MYL9: variants seen among roughly 807,000 people sequenced by gnomAD.
The protein encoded by MYL9 is myosin regulatory light polypeptide 9.
In MYL9, 7 loss-of-function variants were observed where a neutral mutation model predicts 12.8. The ratio of observed to expected loss-of-function variants is 0.55; its 90% CI spans 0.31 to 1.03. The LOEUF (loss-of-function observed/expected upper bound fraction) is 1.03. Among genes scored for constraint, MYL9 ranks in the 50% least tolerant of loss-of-function variants. The pLI, the probability that MYL9 is intolerant of heterozygous loss-of-function variation, is 0.05. For synonymous variants in MYL9, 81 were observed against 87.8 expected, an observed-to-expected ratio of 0.92 and a Z score of 0.43; for missense variants, 190 against 242.7, an observed-to-expected ratio of 0.78 and a Z score of 1.44.
intron 1 of MYL9, 132 bp from the exon 2 acceptor site, chr20:36,544,727 G>C: frequency 1.5e-6 from 1 of 658,834 alleles, no homozygotes; most frequent in South Asian, 2.0e-5. Context: ...GTGAAGAACT[G>C]GGTGGTGGGA....
Position 36,549,558 on chromosome 20 carries a change from C to T in MYL9, c.*309C>T, listed in dbSNP as rs1404840595. The T allele has an allele frequency of 1.1e-5, 3 of 271,310 alleles. No individual in the cohort carries two copies. Among genetic ancestry groups the T allele is most frequent in the African/African-American group, 2.2e-5 (1 of 45,818 alleles). 16.8% of individuals were successfully genotyped at this position (271,310 alleles called of 1,614,324 possible). A position where few individuals can be genotyped will look rare whatever the true frequency, so the allele number is the denominator to read the frequency against. ...AAGGCCCCATTCCGGGGCTGTTCCC[C>T]GAGGAGGAAGGGAAGGGGCTCTGTG... On this transcript the variant is annotated 3_prime_UTR_variant, in exon 4 of 4. Transcript: ENST00000279022.
Position 36,550,548 on chromosome 20 carries a change from C to G in MYL9, c.*1299C>G, listed in dbSNP as rs570388024. On this transcript the variant is annotated 3_prime_UTR_variant, in exon 4 of 4. Transcript: ENST00000279022. ...ACCCCACCTGACCCCAGCGAGTGGACCCAGCTTGGTCCTGAGGCCTTCTCC... is the reference window on the plus strand; with the variant it reads ...ACCCCACCTGACCCCAGCGAGTGGAGCCAGCTTGGTCCTGAGGCCTTCTCC... The G allele has an allele frequency of 1.6e-4, 24 of 153,068 alleles. No individual in the cohort carries two copies. Among genetic ancestry groups the G allele is most frequent in the Admixed American group, 4.6e-4 (7 of 15,298 alleles). 9.5% of individuals were successfully genotyped at this position (153,068 alleles called of 1,614,324 possible).
intron 1 of MYL9, among the ~76,000 whole-genome samples, chr20:36,542,762 T>C (rs1192598375): frequency 6.6e-6 from 1 of 152,188 alleles, no homozygotes; most frequent in African/African-American, 2.4e-5. Flanking sequence ...AGCTGCACCA[T>C]GGGGGCACCC....
intron 1 of MYL9, among the ~76,000 whole-genome samples, chr20:36,544,082 G>A (rs565766892): frequency 1.1e-4 from 17 of 152,250 alleles, no homozygotes; most frequent in African/African-American, 4.1e-4. Context: ...AGAAGAGGCC[G>A]GCTGGAGGCT....
intron 2 of MYL9, among the ~76,000 whole-genome samples, chr20:36,546,270 G>A (rs1034319958): frequency 3.3e-5 from 5 of 152,138 alleles, no homozygotes; most frequent in Admixed American, 6.5e-5. Context: ...CCCAGTTCCC[G>A]CGTACCCCTC....
chr20:36,549,338 G>A lies in MYL9; in HGVS notation c.*89G>A, dbSNP rs542693286. On this transcript the variant is annotated 3_prime_UTR_variant, in exon 4 of 4. Transcript: ENST00000279022. ...TACCAGCTCCCTGCCCATGACCCTC[G>A]CTCAGGGATCCCCCTTTGAGGGGTT... The A allele has an allele frequency of 5.5e-4, 636 of 1,155,406 alleles. No individual in the cohort carries two copies. Among genetic ancestry groups the A allele is most frequent in the African/African-American group, 9.4e-4 (53 of 56,298 alleles). 71.6% of individuals were successfully genotyped at this position (1,155,406 alleles called of 1,614,324 possible).
At chr20:36,548,761 C>T (rs115804563) in intron 3 of MYL9, among the ~76,000 whole-genome samples, 12 of 152,248 alleles carry the variant, frequency 7.9e-5, no homozygotes, top group African/African-American at 2.6e-4. Context: ...CCAGAGCTCA[C>T]GCTTAAAACA....
intron 2 of MYL9, among the ~76,000 whole-genome samples, chr20:36,545,301 T>C (rs937007314): frequency 6.6e-6 from 1 of 151,638 alleles, no homozygotes; most frequent in Non-Finnish European, 1.5e-5. Flanking sequence ...ATCGAGACCA[T>C]CCTGGCTAAC....
intron 1 of MYL9, among the ~76,000 whole-genome samples, chr20:36,544,329 G>A (rs903946153): frequency 6.6e-6 from 1 of 152,134 alleles, no homozygotes; most frequent in Non-Finnish European, 1.5e-5. Context: ...AGTGAGGAAC[G>A]GCAGGAATGC....
intron 2 of MYL9, 62 bp from the exon 3 acceptor site, chr20:36,547,970 A>G (rs529378485): frequency 1.4e-5 from 21 of 1,514,734 alleles, no homozygotes; most frequent in Non-Finnish European, 1.9e-5. Flanking sequence ...CGGGGGTGCA[A>G]GTTGTCCCAG....
At chr20:36,541,832 G>A (rs573188056) in intron 1 of MYL9, among the ~76,000 whole-genome samples, 1 of 152,200 alleles carries the variant, frequency 6.6e-6, no homozygotes, top group Non-Finnish European at 1.5e-5. Context: ...GAAGGCCATC[G>A]TCCAGGCCCT....
At chr20:36,548,974 G>T in intron 3 of MYL9, 103 bp from the exon 4 acceptor site, 2 of 1,179,122 alleles carry the variant, frequency 1.7e-6, no homozygotes, top group Non-Finnish European at 2.4e-6. Flanking sequence ...TATCTTCCCA[G>T]CCCCTCTAGG....
chr20:36,543,127 C>T (rs571787699), intron 1 of MYL9, among the ~76,000 whole-genome samples: 24 of 152,312 alleles, frequency 1.6e-4, no homozygotes, highest in African/African-American at 5.8e-4. Flanking sequence ...GGGCCGGCAT[C>T]TGGGGACAAT....
chr20:36,545,719 A>T (rs1053570112), intron 2 of MYL9, among the ~76,000 whole-genome samples: 1 of 151,992 alleles, frequency 6.6e-6, no homozygotes, highest in Non-Finnish European at 1.5e-5. Flanking sequence ...TCACGAGGTC[A>T]GAAGATCGAG....
chr20:36,544,791 C>A (rs566325942), intron 1 of MYL9, 68 bp from the exon 2 acceptor site: 1 of 1,391,394 alleles, frequency 7.2e-7, no homozygotes, highest in Non-Finnish European at 9.8e-7. Flanking sequence ...AAAAGCCAGT[C>A]TGGGGGAGGC....
Position 36,549,102 on chromosome 20 carries a change from G to A in MYL9, c.372G>A (p.Arg124=). ...ASGFIHEDHL[R]ELLTTMGDRF... ...GTTTCATCCATGAGGACCACCTCCG[G>A]GAGCTGCTCACCACCATGGGTGACC... is the stretch of plus-strand genomic sequence containing the variant. Residue 124 remains arginine (R), a synonymous_variant, in exon 4 of 4, where the codon CGG becomes CGA. Coordinates refer to ENST00000279022, the MANE Select transcript of MYL9 (RefSeq NM_006097.5). The A allele has an allele frequency of 6.2e-7, 1 of 1,613,308 alleles. No individual in the cohort carries two copies. Among genetic ancestry groups the A allele is most frequent in the Non-Finnish European group, 8.5e-7 (1 of 1,179,936 alleles).
Position 36,544,568 on chromosome 20 carries a change from C to A in MYL9, c.-26-291C>A, listed in dbSNP as rs561442839. 2.0e-5 allele frequency among the ~76,000 whole-genome samples: 3 copies of A among 152,302 alleles called. No homozygotes were observed. The East Asian group carries it at 5.8e-4, about 29-fold the overall frequency. On this transcript the variant is annotated intron_variant, in intron 1 of 3. Transcript: ENST00000279022. ...ACAGCCAAAATAGCTGATTCCATGC[C>A]CGGCACTGTTCCAGGAGCTCTCGGG...
Position 36,549,264 on chromosome 20 carries a change from C to A in MYL9, c.*15C>A. 1 of 1,581,470 alleles carries A rather than the reference C, an allele frequency of 6.3e-7. No individual in the cohort carries two copies. The highest frequency in any genetic ancestry group is 8.6e-7 in the Non-Finnish European group (1 of 1,161,918). On this transcript the variant is annotated 3_prime_UTR_variant, in exon 4 of 4. Transcript: ENST00000279022. Reference sequence around the variant, plus strand: ...AAGACGACTAGGCCACCCCAGCCCCCTGACACCCCAGCCCCCGCCAGTCAC... The same window carrying A: ...AAGACGACTAGGCCACCCCAGCCCCATGACACCCCAGCCCCCGCCAGTCAC...
At chr20:36,548,338 T>C in intron 3 of MYL9, 145 bp downstream of exon 3, 5 of 1,153,694 alleles carry the variant, frequency 4.3e-6, no homozygotes, top group East Asian at 2.8e-5. Context: ...CACCTCCTTA[T>C]TGTCGCCGCA....
Sources: gnomAD v4.1 joint callset for allele counts (sites outside exome capture counted in the v4.1 genomes callset) on GRCh38, gnomAD v4.1.1 for gene constraint, MANE v1.5 for transcripts, NCBI Gene and HGNC (gene_info 2026-07-23, HGNC 2026-07-21) for gene names.